The following TMEM117 variants were observed in gnomAD, a reference collection of about 807,000 sequenced individuals.
TMEM117 encodes transmembrane protein 117.
Under a neutral mutation model 52.4 loss-of-function variants are expected in TMEM117, and 27 were observed. That is an observed-to-expected ratio of 0.51 (90% CI 0.38 to 0.71). TMEM117 has a LOEUF of 0.71. Ranked by LOEUF, TMEM117 falls within the 30% of genes least tolerant of loss-of-function variation. The pLI is 0.00. For synonymous variants in TMEM117, 215 were observed against 206.3 expected (o/e 1.04, Z -0.36); for missense variants, 556 against 630.5 (o/e 0.88, Z 1.26).
chr12:44,018,263 A>G (rs956379630), intron 3 of TMEM117, among the ~76,000 whole-genome samples: 1 of 152,238 alleles, frequency 6.6e-6, no homozygotes, highest in African/African-American at 2.4e-5. Context: ...TGATTGAATG[A>G]AAAAAGGACT....
At chr12:44,310,807 C>T (rs910467819) in intron 6 of TMEM117, among the ~76,000 whole-genome samples, 1 of 152,130 alleles carries the variant, frequency 6.6e-6, no homozygotes, top group African/African-American at 2.4e-5. Context: ...GCATTAGAAG[C>T]ACCTGGGTTC....
chr12:44,247,190 G>A (rs1203600834), intron 5 of TMEM117, among the ~76,000 whole-genome samples: 1 of 152,156 alleles, frequency 6.6e-6, no homozygotes, highest in African/African-American at 2.4e-5. Flanking sequence ...TTGTATGATT[G>A]CTGCAATCTG....
chr12:44,243,806 A>G (rs1417098209), intron 5 of TMEM117, among the ~76,000 whole-genome samples: 6 of 151,568 alleles, frequency 4.0e-5, no homozygotes, highest in Admixed American at 3.3e-4. Context: ...ACCTCTGGCA[A>G]CAATCTTCTA....
intron 2 of TMEM117, among the ~76,000 whole-genome samples, chr12:43,931,173 T>C (rs548626945): frequency 1.3e-5 from 2 of 152,312 alleles, no homozygotes; most frequent in African/African-American, 4.8e-5. Flanking sequence ...ACACAAAACC[T>C]TGTCATTTAT....
chr12:43,874,459 C>T lies in TMEM117; in HGVS notation c.277+29531C>T, dbSNP rs12231136. ...AAAAAAATTTAGCCAGGCCTGGTGG[C>T]AGGCACCTGTAATCCCAGTTACTCA... On this transcript the variant is annotated intron_variant, in intron 2 of 7. Coordinates refer to ENST00000266534, the MANE Select transcript of TMEM117 (RefSeq NM_032256.3). Among the ~76,000 whole-genome samples the T allele has an allele frequency of 8.7e-3, 1,317 of 151,534 alleles. 37 individuals carry two copies. The highest frequency in any genetic ancestry group is 0.066 in the East Asian group (343 of 5,158).
intron 3 of TMEM117, among the ~76,000 whole-genome samples, chr12:44,027,645 A>AG (rs1255658926): frequency 6.6e-6 from 1 of 152,214 alleles, no homozygotes; most frequent in Non-Finnish European, 1.5e-5. Flanking sequence ...CATTACATGA[A>AG]GAGGCACATG....
chr12:44,027,356 T>G (rs1592453113), intron 3 of TMEM117, among the ~76,000 whole-genome samples: 1 of 151,790 alleles, frequency 6.6e-6, no homozygotes, highest in South Asian at 2.1e-4. Context: ...GTATTTTTAG[T>G]AGAGATGGGG....
intron 5 of TMEM117, among the ~76,000 whole-genome samples, chr12:44,293,540 A>G (rs964827883): frequency 1.6e-4 from 25 of 151,816 alleles, no homozygotes; most frequent in African/African-American, 4.6e-4. Context: ...ATGATTTCCT[A>G]TAATCTTATA....
the TMEM117 span, chr12:43,797,108 AAAT>A: frequency 6.4e-7 from 1 of 1,574,154 alleles, no homozygotes; most frequent in East Asian, 2.2e-5. Context: ...CTGTAAGTTC[AAAT>A]AATAACAAAT....
At chr12:43,967,651 A>G (rs1945507929) in intron 3 of TMEM117, among the ~76,000 whole-genome samples, 1 of 152,130 alleles carries the variant, frequency 6.6e-6, no homozygotes, top group Non-Finnish European at 1.5e-5. Context: ...TCAAGCCATG[A>G]GATGATTATA....
At chr12:43,863,501 A>G (rs1013088286) in intron 2 of TMEM117, among the ~76,000 whole-genome samples, 17 of 152,198 alleles carry the variant, frequency 1.1e-4, no homozygotes, top group African/African-American at 2.9e-4. Context: ...CTCTAGAAGA[A>G]AGCCACAATT....
At chr12:44,212,107 A>G (rs949002750) in intron 5 of TMEM117, among the ~76,000 whole-genome samples, 26 of 152,172 alleles carry the variant, frequency 1.7e-4, no homozygotes, top group African/African-American at 5.3e-4. Context: ...CCCCTTATCT[A>G]TGGTTTTGCT....
At chr12:43,915,665 A>T (rs1230871639) in intron 2 of TMEM117, among the ~76,000 whole-genome samples, 2 of 151,952 alleles carry the variant, frequency 1.3e-5, no homozygotes, top group Non-Finnish European at 2.9e-5. Flanking sequence ...GACCTAGGAG[A>T]ATAGAGAAGG....
At chr12:44,061,407 G>T (rs1002629519) in intron 3 of TMEM117, among the ~76,000 whole-genome samples, 2 of 152,098 alleles carry the variant, frequency 1.3e-5, no homozygotes, top group East Asian at 3.9e-4. Flanking sequence ...CAAAAATTTT[G>T]CTCTCCAAGA....
At chr12:44,370,879 C>T (rs568171051) in intron 6 of TMEM117, among the ~76,000 whole-genome samples, 150 of 152,202 alleles carry the variant, frequency 9.9e-4, no homozygotes, top group Non-Finnish European at 1.7e-3. Context: ...ATATACTGAG[C>T]ATTATTTCAG....
intron 3 of TMEM117, among the ~76,000 whole-genome samples, chr12:44,078,453 A>G (rs1202482717): frequency 6.6e-6 from 1 of 152,200 alleles, no homozygotes; most frequent in Non-Finnish European, 1.5e-5. Context: ...ATGTGTGCAA[A>G]CATAGCTGGT....
At chr12:44,165,672 T>C (rs1948956807) in intron 4 of TMEM117, among the ~76,000 whole-genome samples, 1 of 152,158 alleles carries the variant, frequency 6.6e-6, no homozygotes, top group South Asian at 2.1e-4. Context: ...GCAAGAGGAC[T>C]TAACAATTCT....
intron 4 of TMEM117, among the ~76,000 whole-genome samples, chr12:44,173,722 A>G (rs1450249332): frequency 2.6e-5 from 4 of 152,026 alleles, no homozygotes; most frequent in African/African-American, 9.7e-5. Flanking sequence ...ACTTACTTTC[A>G]TAAAATATTT....
At chr12:43,910,454 T>C (rs1458548135) in intron 2 of TMEM117, among the ~76,000 whole-genome samples, 1 of 117,668 alleles carries the variant, frequency 8.5e-6, no homozygotes, top group Non-Finnish European at 1.8e-5. Context: ...ATGCCCTCTC[T>C]CACCACTCCT....
Sources: allele counts gnomAD v4.1 joint callset (sites outside exome capture counted in the v4.1 genomes callset), GRCh38; gene constraint gnomAD v4.1.1; transcripts MANE v1.5; gene names NCBI Gene and HGNC (gene_info 2026-07-23, HGNC 2026-07-21).